The following TTC7A variants were observed in gnomAD, a reference collection of about 807,000 sequenced individuals.
The protein encoded by TTC7A is tetratricopeptide repeat protein 7A.
In TTC7A, 110 loss-of-function variants were observed where a neutral mutation model predicts 103.7. The ratio of observed to expected loss-of-function variants is 1.06; its 90% CI spans 0.91 to 1.24. The LOEUF (loss-of-function observed/expected upper bound fraction) is 1.24, where lower values mean the gene tolerates loss of function less well. Ranked by LOEUF, TTC7A falls within the 50% of genes most tolerant of loss-of-function variation. TTC7A has a pLI of 0.00. For synonymous variants in TTC7A, 521 were observed against 467.9 expected (o/e 1.11, Z -1.47); for missense variants, 1,340 against 1,116.3 (o/e 1.20, Z -2.86).
At chr2:46,950,334 G>C (rs746594164) in intron 1 of TTC7A, 29 bp from the exon 2 acceptor site, 5 of 1,612,604 alleles carry the variant, frequency 3.1e-6, no homozygotes, top group Non-Finnish European at 4.2e-6. Context: ...TTCGGGGTTT[G>C]CTGCTCTGAC....
chr2:47,004,106 G>A (rs1306680791), intron 8 of TTC7A, among the ~76,000 whole-genome samples: 1 of 152,194 alleles, frequency 6.6e-6, no homozygotes, highest in Admixed American at 6.5e-5. Context: ...TCCACAGGCT[G>A]ACTCCAGAGC....
At chr2:47,069,993 C>A (rs1330036858) in intron 19 of TTC7A, among the ~76,000 whole-genome samples, 1 of 150,006 alleles carries the variant, frequency 6.7e-6, no homozygotes, top group Non-Finnish European at 1.5e-5. Flanking sequence ...TACTTGAGGG[C>A]AGGGGTGGGG....
intron 16 of TTC7A, chr2:47,046,988 T>C (rs758434458): frequency 1.3e-5 from 5 of 376,928 alleles, no homozygotes; most frequent in African/African-American, 2.1e-5. Flanking sequence ...ACGGTCTTCA[T>C]GCCTCCTGTC....
chr2:46,960,817 G>A (rs1672303569), intron 3 of TTC7A, among the ~76,000 whole-genome samples: 1 of 151,620 alleles, frequency 6.6e-6, no homozygotes, highest in Admixed American at 6.6e-5. Context: ...GCCCACCAGA[G>A]GGTGCTGGGA....
chr2:47,012,770 C>G (rs538660707), intron 11 of TTC7A, among the ~76,000 whole-genome samples: 7 of 152,300 alleles, frequency 4.6e-5, no homozygotes, highest in Admixed American at 4.6e-4. Context: ...AGTCAGTCCT[C>G]CCAAGCACAA....
At chr2:46,939,254 C>T (rs1349676537), upstream of TTC7A, among the ~76,000 whole-genome samples, 1 of 152,036 alleles carries the variant, frequency 6.6e-6, no homozygotes, top group Non-Finnish European at 1.5e-5. Context: ...AAACAAGTCA[C>T]TAAGGAAGGA....
chr2:47,061,641 C>T (rs1683790820), intron 19 of TTC7A, among the ~76,000 whole-genome samples: 1 of 152,176 alleles, frequency 6.6e-6, no homozygotes, highest in East Asian at 1.9e-4. Context: ...CTTACCTCTA[C>T]CTGGTGATCA....
intron 4 of TTC7A, among the ~76,000 whole-genome samples, chr2:46,975,824 C>A (rs548930817): frequency 2.8e-4 from 43 of 152,222 alleles, no homozygotes; most frequent in African/African-American, 9.9e-4. Context: ...GTAACCTCCA[C>A]CTCCTGGGTT....
At chr2:47,062,629 T>C (rs1171903099) in intron 19 of TTC7A, among the ~76,000 whole-genome samples, 1 of 152,250 alleles carries the variant, frequency 6.6e-6, no homozygotes, top group African/African-American at 2.4e-5. Flanking sequence ...TCCACTGTGT[T>C]CACGGATATA....
At position 47,042,675 on chromosome 2, in the gene TTC7A, A is replaced by AGTGT. The variant is rs10587096; in HGVS notation, c.1803-3615_1803-3612dup. On this transcript the variant is annotated intron_variant, in intron 15 of 19. Coordinates refer to ENST00000319190, the MANE Select transcript of TTC7A (RefSeq NM_020458.4). ...TTAGGGTGGTGTGTCCTGAGCCCCA[A>AGTGT]GTGTGTGTGTGTGTGTGTGTGTGTG... Among the ~76,000 whole-genome samples, 1,412 of 148,462 alleles carry AGTGT rather than the reference A, an allele frequency of 9.5e-3. 24 individuals are homozygous for AGTGT. The highest frequency in any genetic ancestry group is 0.031 in the African/African-American group (1,254 of 40,142).
chr2:46,949,806 A>G (rs1032436838), intron 1 of TTC7A, among the ~76,000 whole-genome samples: 4 of 152,120 alleles, frequency 2.6e-5, no homozygotes, highest in African/African-American at 9.7e-5. Context: ...CAGGAGGGTC[A>G]CTTGAGCCTG....
chr2:46,958,964 C>T lies in TTC7A; in HGVS notation c.517+1957C>T, dbSNP rs144308651. 8.7e-4 allele frequency among the ~76,000 whole-genome samples: 132 copies of T among 152,324 alleles called. 1 individual carries two copies. Among genetic ancestry groups the T allele is most frequent in the African/African-American group, 3.0e-3 (124 of 41,566 alleles). ...CCCCCCTCCATGCCAGGTAGGCCCT[C>T]GTTGAGCCCCCTCTGTAACCCTCTG... is the stretch of plus-strand genomic sequence containing the variant. On this transcript the variant is annotated intron_variant, in intron 3 of 19. Transcript: ENST00000319190.
chr2:47,046,888 C>G (rs141901057), intron 16 of TTC7A: 27 of 236,674 alleles, frequency 1.1e-4, no homozygotes, highest in East Asian at 2.1e-4. Context: ...GCCCATGGAG[C>G]CTGTCACTTC....
At chr2:47,068,338 C>G (rs1684356883) in intron 19 of TTC7A, 1 of 152,134 alleles carries the variant, frequency 6.6e-6, no homozygotes, top group Non-Finnish European at 1.5e-5. Context: ...GTCTCAGGGT[C>G]CAGGACGCAC....
At chr2:47,024,075 T>C (rs1679603523) in intron 13 of TTC7A, among the ~76,000 whole-genome samples, 1 of 152,200 alleles carries the variant, frequency 6.6e-6, no homozygotes, top group Non-Finnish European at 1.5e-5. Flanking sequence ...GCCAGCCCCC[T>C]CAGGCCCACC....
At chr2:47,049,714 G>A (rs1682677024) in intron 16 of TTC7A, among the ~76,000 whole-genome samples, 1 of 152,088 alleles carries the variant, frequency 6.6e-6, no homozygotes. Flanking sequence ...GTGTGGGAGA[G>A]TTTCCAGGTC....
intron 3 of TTC7A, among the ~76,000 whole-genome samples, chr2:46,962,501 G>T (rs1011862296): frequency 1.3e-5 from 2 of 152,208 alleles, no homozygotes; most frequent in East Asian, 3.9e-4. Context: ...GCAAACACCT[G>T]CTGGGAATGC....
At position 46,956,903 on chromosome 2, in the gene TTC7A, G is replaced by A. The variant is rs541501653; in HGVS notation, c.413G>A (p.Arg138Gln). 1.2e-5 allele frequency: 19 copies of A among 1,614,090 alleles called. No homozygotes were observed. In the African/African-American group the frequency reaches 1.3e-4, roughly 11 times the overall value. The change falls in exon 3 of 20, where the codon CGA (arginine) becomes CAA (glutamine). Residue 138 changes from arginine to glutamine, a missense_variant. Coordinates refer to ENST00000319190, the MANE Select transcript of TTC7A (RefSeq NM_020458.4). ...CTGCATTACGTGGAGGGCTCATACCGAGATGCCATCAGCATGTACGCACGG... is the reference window on the plus strand; with the variant it reads ...CTGCATTACGTGGAGGGCTCATACCAAGATGCCATCAGCATGTACGCACGG... ...GKLHYVEGSY[R>Q]DAISMYARAG...
chr2:47,056,917 C>A (rs1052812044), intron 18 of TTC7A, among the ~76,000 whole-genome samples: 1 of 150,632 alleles, frequency 6.6e-6, no homozygotes. Context: ...CCCTCCCCCC[C>A]ATCCAGCCCC....
Sources: gnomAD v4.1 joint callset for allele counts (sites outside exome capture counted in the v4.1 genomes callset) on GRCh38, gnomAD v4.1.1 for gene constraint, MANE v1.5 for transcripts, NCBI Gene and HGNC (gene_info 2026-07-23, HGNC 2026-07-21) for gene names.